The following PRKAG2 variants were observed in gnomAD, a reference collection of about 807,000 sequenced individuals.
PRKAG2 encodes protein kinase AMP-activated non-catalytic subunit gamma 2.
A neutral mutation model predicts 69.6 loss-of-function variants in PRKAG2; 26 were observed. The ratio of observed to expected loss-of-function variants is 0.37; its 90% CI spans 0.27 to 0.52. PRKAG2 has a LOEUF of 0.52. Among genes scored for constraint, PRKAG2 ranks in the 20% least tolerant of loss-of-function variants. The probability of loss-of-function intolerance (pLI) is 0.90; values close to 1 mark genes in which losing one functional copy is unlikely to be tolerated. For missense variants in PRKAG2, 557 were observed against 740.0 expected, an observed-to-expected ratio of 0.75 and a Z score of 2.87; for synonymous variants, 293 against 285.0, an observed-to-expected ratio of 1.03 and a Z score of -0.28.
rs55964814 is a variant in PRKAG2, at chr7:151,777,943, G to T, written c.466+3209C>A. Among the ~76,000 whole-genome samples, 1 of 152,068 alleles carries T rather than the reference G, an allele frequency of 6.6e-6. No homozygotes were observed. Among genetic ancestry groups the T allele is most frequent in the African/African-American group, 2.4e-5 (1 of 41,400 alleles). ...CTGCTCTGGGGTCATGGAGCCAGAG[G>T]TCACAAGACTTGCAACTTCCCCAGT... On this transcript the variant is annotated intron_variant, in intron 3 of 15. Coordinates refer to ENST00000287878, the MANE Select transcript of PRKAG2 (RefSeq NM_016203.4). This position sits in a 1 kb window ranked among gnomAD's most constrained non-coding sequence, Gnocchi z 4.3.
At chr7:151,776,586 C>T (rs572591469) in intron 3 of PRKAG2, among the ~76,000 whole-genome samples, 27 of 152,334 alleles carry the variant, frequency 1.8e-4, no homozygotes, top group South Asian at 6.2e-4. Flanking sequence ...CGGGTACACA[C>T]GGGCCCCAGC....
chr7:151,870,772 C>A (rs1007259967), intron 1 of PRKAG2, among the ~76,000 whole-genome samples: 1 of 152,246 alleles, frequency 6.6e-6, no homozygotes, highest in Admixed American at 6.5e-5. Flanking sequence ...GTGGCCTTCT[C>A]GCAGCGCGGG....
intron 1 of PRKAG2, among the ~76,000 whole-genome samples, chr7:151,847,175 T>C (rs1459766606): frequency 6.6e-6 from 1 of 152,096 alleles, no homozygotes; most frequent in African/African-American, 2.4e-5. Flanking sequence ...TAGGCTGGGG[T>C]CCCTGATGTC....
chr7:151,763,124 T>C (rs1421607608), intron 3 of PRKAG2, among the ~76,000 whole-genome samples: 1 of 152,046 alleles, frequency 6.6e-6, no homozygotes, highest in Non-Finnish European at 1.5e-5. Context: ...ACTGAATCCA[T>C]CCCCTCGCTA....
chr7:151,795,885 AT>A (rs1563689773), intron 1 of PRKAG2, among the ~76,000 whole-genome samples: 55 of 109,272 alleles, frequency 5.0e-4, no homozygotes, highest in African/African-American at 1.9e-3. Flanking sequence ...ATATATATAT[AT>A]ATATCACGAT....
chr7:151,624,137 CGTGT>C (rs58644630), intron 5 of PRKAG2, among the ~76,000 whole-genome samples: 58,340 of 144,928 alleles, frequency 0.4, 11,904 homozygotes, highest in Non-Finnish European at 0.45. Flanking sequence ...CAGAAGGCAG[CGTGT>C]GTGTGTGTGT....
chr7:151,565,061 C>T (rs1191363572), intron 13 of PRKAG2, among the ~76,000 whole-genome samples: 2 of 152,020 alleles, frequency 1.3e-5, no homozygotes, highest in African/African-American at 4.8e-5. Context: ...TACGTGGAAA[C>T]AAGAACATTT....
chr7:151,757,923 T>C (rs2075193484), intron 3 of PRKAG2, among the ~76,000 whole-genome samples: 1 of 152,260 alleles, frequency 6.6e-6, no homozygotes, highest in Admixed American at 6.5e-5. Context: ...GATGGATTTG[T>C]TACTGTGGGC....
rs397517271 is a variant in PRKAG2 at position 151,781,190 on chromosome 7, G to A, written c.428C>T (p.Ser143Leu). 15 of 1,614,008 alleles carry A rather than the reference G, an allele frequency of 9.3e-6. No homozygotes were observed. Among genetic ancestry groups the A allele is most frequent in the Admixed American group, 3.3e-5 (2 of 60,014 alleles). Residue 143 changes from serine to leucine, a missense_variant, in exon 3 of 16, where the codon TCG (serine) becomes TTG (leucine). By Grantham distance (145) the Ser-to-Leu change is moderately radical. This residue lies in a region of PRKAG2 where 352 missense variants were observed against 356.7 expected (regional missense o/e 0.99). Coordinates refer to ENST00000287878, the MANE Select transcript of PRKAG2 (RefSeq NM_016203.4). The surrounding 1 kb of genome is among the most constrained non-coding windows in gnomAD (Gnocchi z 6.1). Reference sequence around the variant, plus strand: ...GGAGAAAAACCTGATGCCCCCGGGCGAGGTAGCAGGGTTGGAGTTGGGGGA... The same window carrying A: ...GGAGAAAAACCTGATGCCCCCGGGCAAGGTAGCAGGGTTGGAGTTGGGGGA... ...ESSPNSNPAT[S>L]PGGIRFFSRS...
chr7:151,618,729 C>T (rs56335912), intron 5 of PRKAG2, among the ~76,000 whole-genome samples: 1,898 of 152,260 alleles, frequency 0.012, 28 homozygotes, highest in African/African-American at 0.043. Flanking sequence ...CGCACCATTG[C>T]ACTCTAGCCT....
chr7:151,570,343 A>T, intron 9 of PRKAG2, 118 bp from the exon 10 acceptor site: 3 of 1,185,650 alleles, frequency 2.5e-6, no homozygotes, highest in Non-Finnish European at 3.5e-6. Context: ...AAACTCAAAT[A>T]AAAAGAAATT....
Position 151,876,590 on chromosome 7 carries a change from T to C in PRKAG2, c.31A>G (p.Lys11Glu), listed in dbSNP as rs1041124171. Residue 11 changes from lysine (K) to glutamate (E), a missense_variant, in exon 1 of 16, where the codon AAA becomes GAA. Lys to Glu is a moderately conservative substitution (Grantham distance 56, BLOSUM62 1). Coordinates refer to ENST00000287878, the MANE Select transcript of PRKAG2 (RefSeq NM_016203.4). MGSAVMDTKK[K>E]KDVSSPGGSG... ...CCGCCGGGGCTGGAAACATCTTTTT[T>C]CTTCTTGGTGTCCATAACCGCGCTT... 7 of 1,610,158 alleles carry C rather than the reference T, an allele frequency of 4.3e-6. No individual in the cohort carries two copies. Among genetic ancestry groups the C allele is most frequent in the Non-Finnish European group, 5.9e-6 (7 of 1,179,962 alleles).
intron 3 of PRKAG2, among the ~76,000 whole-genome samples, chr7:151,694,541 G>A (rs1229467122): frequency 3.3e-5 from 5 of 152,138 alleles, no homozygotes; most frequent in South Asian, 4.1e-4. Context: ...AGTAAAATCT[G>A]GCAGTGTCTG....
intron 3 of PRKAG2, among the ~76,000 whole-genome samples, chr7:151,748,843 T>C (rs1455295096): frequency 1.3e-5 from 2 of 152,260 alleles, no homozygotes; most frequent in African/African-American, 4.8e-5. Flanking sequence ...CCGTGCCACC[T>C]GGCCTTCGCC....
chr7:151,781,510 T>C lies in PRKAG2; in HGVS notation c.187-79A>G, dbSNP rs73728290. The C allele has an allele frequency of 5.2e-3, 7,784 of 1,508,986 alleles. 298 individuals are homozygous for C. In the African/African-American group the frequency reaches 0.093, roughly 18 times the overall value. 93.5% of individuals were successfully genotyped at this position (1,508,986 alleles called of 1,614,324 possible). ...CTCCTGCCCTGTATGAAACTTATCATTGTCCTCTCTCACATGCGGGCCCCC... is the reference window on the plus strand; with the variant it reads ...CTCCTGCCCTGTATGAAACTTATCACTGTCCTCTCTCACATGCGGGCCCCC... On this transcript the variant is annotated intron_variant, in intron 2 of 15. Coordinates refer to ENST00000287878, the MANE Select transcript of PRKAG2 (RefSeq NM_016203.4). The surrounding 1 kb of genome is among the most constrained non-coding windows in gnomAD (Gnocchi z 6.1).
chr7:151,764,666 A>G (rs2075634204), intron 3 of PRKAG2, among the ~76,000 whole-genome samples: 1 of 152,244 alleles, frequency 6.6e-6, no homozygotes, highest in Non-Finnish European at 1.5e-5. Flanking sequence ...CTCATGACCT[A>G]TTCACACTGT....
chr7:151,609,227 GT>G (rs2151205228), intron 5 of PRKAG2, among the ~76,000 whole-genome samples: 1 of 152,246 alleles, frequency 6.6e-6, no homozygotes, highest in South Asian at 2.1e-4. Flanking sequence ...GGACAAGTAT[GT>G]TTCAGAGATA....
chr7:151,737,178 C>G (rs1181664720), intron 3 of PRKAG2, among the ~76,000 whole-genome samples: 2 of 152,036 alleles, frequency 1.3e-5, no homozygotes, highest in Non-Finnish European at 2.9e-5. Context: ...CAGTTTCCCC[C>G]TTAGTGAACT....
intron 1 of PRKAG2, among the ~76,000 whole-genome samples, chr7:151,868,950 G>T (rs962295897): frequency 6.6e-6 from 1 of 152,228 alleles, no homozygotes; most frequent in Non-Finnish European, 1.5e-5. Context: ...TTACGTAAGC[G>T]AAGTCTGAGT....
Sources: gnomAD v4.1 joint callset for allele counts (sites outside exome capture counted in the v4.1 genomes callset) on GRCh38, gnomAD v4.1.1 for gene constraint, gnomAD v4.1.1 regional missense constraint, Gnocchi (gnomAD v3.1) non-coding constraint, MANE v1.5 for transcripts, NCBI Gene and HGNC (gene_info 2026-07-23, HGNC 2026-07-21) for gene names.